SWT1: variants seen among roughly 807,000 people sequenced by gnomAD.
SWT1 encodes SWT1 RNA endoribonuclease homolog.
Under a neutral mutation model 107.3 loss-of-function variants are expected in SWT1, and 33 were observed. The observed-to-expected ratio is 0.31, with a 90% CI of 0.23 to 0.41. The LOEUF is 0.41. Among genes scored for constraint, SWT1 ranks in the 10% least tolerant of loss-of-function variants. The pLI, the probability that SWT1 is intolerant of heterozygous loss-of-function variation, is 1.00. For missense variants in SWT1, 898 were observed against 1,028.9 expected (o/e 0.87, Z 1.74); for synonymous variants, 345 against 348.3 (o/e 0.99, Z 0.11).
chr1:185,272,341 T>C (rs1663931965), intron 17 of SWT1, among the ~76,000 whole-genome samples: 1 of 152,234 alleles, frequency 6.6e-6, no homozygotes, highest in Admixed American at 6.5e-5. Flanking sequence ...TGTAATAGTA[T>C]TACTTTCAAT....
At chr1:185,227,271 G>A (rs915983356) in intron 15 of SWT1, 4 of 757,598 alleles carry the variant, frequency 5.3e-6, no homozygotes, top group Admixed American at 1.7e-5. Context: ...CAAATAGCAG[G>A]TAAAGGCACC....
At position 185,258,517 on chromosome 1, in the gene SWT1, A is replaced by G. The variant is rs566609820; in HGVS notation, c.2442-12806A>G. ...AATTTTAGTAGTTCTTTCAGTGAAG[A>G]TCTTTTAATGGTAAATATACTGACG... is the stretch of plus-strand genomic sequence containing the variant. On this transcript the variant is annotated intron_variant, in intron 16 of 18. Transcript: ENST00000367500. Among the ~76,000 whole-genome samples the G allele has an allele frequency of 6.6e-5, 10 of 152,252 alleles. No homozygotes were observed. In the South Asian group the frequency reaches 1.9e-3, roughly 28 times the overall value.
chr1:185,199,544 A>T (rs1657689945), intron 10 of SWT1, among the ~76,000 whole-genome samples: 1 of 151,974 alleles, frequency 6.6e-6, no homozygotes, highest in African/African-American at 2.4e-5. Context: ...CTGGTTTGAA[A>T]ATTCTTTAAG....
chr1:185,208,043 C>T (rs1658474057), intron 13 of SWT1, among the ~76,000 whole-genome samples: 3 of 152,068 alleles, frequency 2.0e-5, no homozygotes, highest in Non-Finnish European at 4.4e-5. Flanking sequence ...ACTTCTGAAG[C>T]ATAACTCTGA....
intron 16 of SWT1, among the ~76,000 whole-genome samples, chr1:185,249,063 ATAGTGTCTGGATC>A (rs1661817998): frequency 6.6e-6 from 1 of 152,074 alleles, no homozygotes; most frequent in Admixed American, 6.5e-5. Flanking sequence ...CTGCATTCAG[ATAGTGTCTGGATC>A]TCCAGACACT....
chr1:185,289,750 G>A (rs1033269732), intron 18 of SWT1, among the ~76,000 whole-genome samples: 3 of 152,108 alleles, frequency 2.0e-5, no homozygotes, highest in Admixed American at 2.0e-4. Context: ...ACCAGGCACA[G>A]AAAGACAGAT....
At chr1:185,189,824 C>T (rs188796379) in intron 9 of SWT1, among the ~76,000 whole-genome samples, 3 of 149,212 alleles carry the variant, frequency 2.0e-5, no homozygotes, top group African/African-American at 7.3e-5. Flanking sequence ...ACATATATTT[C>T]TTATATATGT....
At chr1:185,187,203 G>C (rs1217987726) in intron 9 of SWT1, among the ~76,000 whole-genome samples, 1 of 151,192 alleles carries the variant, frequency 6.6e-6, no homozygotes, top group Admixed American at 6.6e-5. Flanking sequence ...GGGATTACAG[G>C]TGTGAGCCAC....
intron 16 of SWT1, among the ~76,000 whole-genome samples, chr1:185,269,549 G>A (rs943941809): frequency 1.3e-5 from 2 of 151,956 alleles, no homozygotes; most frequent in Admixed American, 6.6e-5. Flanking sequence ...AAGCTCTCCC[G>A]CAAGTGTAAT....
chr1:185,260,784 A>G (rs1662963933), intron 16 of SWT1, among the ~76,000 whole-genome samples: 1 of 152,186 alleles, frequency 6.6e-6, no homozygotes, highest in South Asian at 2.1e-4. Flanking sequence ...AATGTTTCTT[A>G]GATTATACAT....
intron 18 of SWT1, among the ~76,000 whole-genome samples, chr1:185,277,855 AGTTGATT>A (rs887714390): frequency 2.0e-5 from 3 of 152,160 alleles, no homozygotes; most frequent in Non-Finnish European, 2.9e-5. Flanking sequence ...AACAAAAATA[AGTTGATT>A]TATTTTGCTG....
At chr1:185,171,542 G>T in intron 4 of SWT1, 1 of 400,882 alleles carries the variant, frequency 2.5e-6, no homozygotes, top group South Asian at 1.9e-5. Flanking sequence ...CCCCTCCAAT[G>T]ACATTCCTAG....
At chr1:185,242,123 G>T (rs1426407308) in intron 16 of SWT1, among the ~76,000 whole-genome samples, 1 of 152,114 alleles carries the variant, frequency 6.6e-6, no homozygotes. Flanking sequence ...GGCAGTTCTT[G>T]TTATATTATA....
At chr1:185,173,519 C>A (rs1005825847) in intron 4 of SWT1, among the ~76,000 whole-genome samples, 1 of 136,648 alleles carries the variant, frequency 7.3e-6, no homozygotes, top group East Asian at 2.1e-4. Flanking sequence ...ATGGTGAAAC[C>A]CTGTCTCTAC....
chr1:185,279,650 A>G (rs1012203305), intron 18 of SWT1, among the ~76,000 whole-genome samples: 3 of 151,368 alleles, frequency 2.0e-5, no homozygotes, highest in Non-Finnish European at 4.4e-5. Context: ...TATCTTCCAT[A>G]TTTGTCTCTG....
chr1:185,235,544 G>A lies in SWT1; in HGVS notation c.2441+3836G>A, dbSNP rs1343702154. Among the ~76,000 whole-genome samples, 12 of 152,104 alleles carry A rather than the reference G, an allele frequency of 7.9e-5. No homozygotes were observed. The South Asian group carries it at 8.3e-4, about 11-fold the overall frequency. The stretch of plus-strand genomic sequence containing the variant: ...ATGCTAAAAACTCTCAGTAAACTCG[G>A]TATTGATACAATGTATCTCAAAATA... On this transcript the variant is annotated intron_variant, in intron 16 of 18. Coordinates refer to ENST00000367500, the MANE Select transcript of SWT1 (RefSeq NM_017673.7).
intron 5 of SWT1, among the ~76,000 whole-genome samples, chr1:185,175,372 A>G (rs561584744): frequency 6.6e-5 from 10 of 152,048 alleles, no homozygotes; most frequent in African/African-American, 2.2e-4. Flanking sequence ...GACTATAGGC[A>G]CACATCACCG....
intron 3 of SWT1, among the ~76,000 whole-genome samples, chr1:185,167,242 G>A (rs1301066237): frequency 6.6e-6 from 1 of 152,206 alleles, no homozygotes; most frequent in Non-Finnish European, 1.5e-5. Context: ...AGAAATCGAA[G>A]TCTAGAAGGT....
At chr1:185,214,273 T>C (rs929873381) in intron 13 of SWT1, among the ~76,000 whole-genome samples, 16 of 152,176 alleles carry the variant, frequency 1.1e-4, no homozygotes, top group Admixed American at 9.8e-4. Context: ...TTGACCGTGC[T>C]GACAGAACTC....
Sources: allele counts gnomAD v4.1 joint callset (sites outside exome capture counted in the v4.1 genomes callset), GRCh38; gene constraint gnomAD v4.1.1; transcripts MANE v1.5; gene names NCBI Gene and HGNC (gene_info 2026-07-23, HGNC 2026-07-21).